Variants in GRXCR1 observed in about 807,000 individuals in gnomAD.
GRXCR1 encodes the protein glutaredoxin and cysteine rich domain containing 1, also known as glutaredoxin domain-containing cysteine-rich protein 1.
GRXCR1 carries 27 observed loss-of-function variants against 27.3 expected under a neutral mutation model. The observed-to-expected ratio is 0.99, with a 90% CI of 0.73 to 1.37. The LOEUF (loss-of-function observed/expected upper bound fraction) is 1.37. GRXCR1 is among the 40% of genes most tolerant of loss of function. The probability of loss-of-function intolerance (pLI) is 0.00; values close to 1 mark genes in which losing one functional copy is unlikely to be tolerated. For missense variants in GRXCR1, 379 were observed against 354.4 expected (o/e 1.07, Z -0.56); for synonymous variants, 122 against 131.1 (o/e 0.93, Z 0.47).
At chr4:42,918,751 C>T (rs557515661) in intron 1 of GRXCR1, among the ~76,000 whole-genome samples, 1 of 152,120 alleles carries the variant, frequency 6.6e-6, no homozygotes, top group African/African-American at 2.4e-5. Flanking sequence ...TTTGACATTC[C>T]ATTACAGGCT....
In GRXCR1 at chr4:43,024,197, C is replaced by CTTTT. The variant is rs60704333; in HGVS notation, c.693+3791_693+3794dup. ...GCCAACATAGTGTCCATTTTCTGTC[C>CTTTT]TTTTTTTTTTTTTTTTGGTAAAGCT... On this transcript the variant is annotated intron_variant, in intron 3 of 3. Transcript: ENST00000399770. Among the ~76,000 whole-genome samples the CTTTT allele has an allele frequency of 6.4e-5, 6 of 94,246 alleles. 1 individual carries two copies. The highest frequency in any genetic ancestry group is 3.6e-4 in the East Asian group (1 of 2,754). The allele number at this position is 94,246 out of a possible 152,430, so 61.8% of individuals were successfully genotyped here.
chr4:42,975,999 T>C (rs772619520), intron 2 of GRXCR1, among the ~76,000 whole-genome samples: 1 of 152,158 alleles, frequency 6.6e-6, no homozygotes, highest in Non-Finnish European at 1.5e-5. Context: ...CTTTCCTTAA[T>C]GTATATTCTG....
At chr4:42,933,000 A>C (rs1351526369) in intron 1 of GRXCR1, among the ~76,000 whole-genome samples, 2 of 151,882 alleles carry the variant, frequency 1.3e-5, no homozygotes, top group Non-Finnish European at 1.5e-5. Context: ...TCTAGGGAAC[A>C]TCAGATAAGG....
intron 1 of GRXCR1, among the ~76,000 whole-genome samples, chr4:42,949,159 T>A (rs1747818616): frequency 1.3e-5 from 2 of 151,380 alleles, no homozygotes; most frequent in African/African-American, 4.9e-5. Flanking sequence ...ATCGAGACCC[T>A]CCTGGCCAAT....
intron 1 of GRXCR1, among the ~76,000 whole-genome samples, chr4:42,951,223 A>G (rs1034441743): frequency 4.6e-5 from 7 of 152,166 alleles, no homozygotes; most frequent in African/African-American, 1.7e-4. Context: ...TTTTTGTTCT[A>G]TTCACTCACT....
chr4:42,951,559 C>T (rs940409358), intron 1 of GRXCR1, among the ~76,000 whole-genome samples: 1 of 152,110 alleles, frequency 6.6e-6, no homozygotes, highest in Non-Finnish European at 1.5e-5. Context: ...TCCCAGTCAT[C>T]GTAATGCTGC....
chr4:42,953,967 T>A (rs1289798052), intron 1 of GRXCR1, among the ~76,000 whole-genome samples: 2 of 152,088 alleles, frequency 1.3e-5, no homozygotes, highest in African/African-American at 4.8e-5. Flanking sequence ...GTCAGGAAAC[T>A]GTCCAGGATT....
In GRXCR1 at chr4:42,969,340, A is replaced by G. The variant is rs1258379599; in HGVS notation, c.627+6206A>G. Reference sequence around the variant, plus strand: ...TGTTTTTGTCTGTTTTCACACTGCTATAAAGAACTACCTGAGACTGGGTAA... The same window carrying G: ...TGTTTTTGTCTGTTTTCACACTGCTGTAAAGAACTACCTGAGACTGGGTAA... On this transcript the variant is annotated intron_variant, in intron 2 of 3. Transcript: ENST00000399770. Among the ~76,000 whole-genome samples, 8 of 152,258 alleles carry G rather than the reference A, an allele frequency of 5.3e-5. No individual in the cohort carries two copies. In the East Asian group the frequency reaches 1.4e-3, roughly 26 times the overall value.
intron 3 of GRXCR1, among the ~76,000 whole-genome samples, chr4:43,026,020 T>C (rs1227748396): frequency 6.7e-6 from 1 of 150,348 alleles, no homozygotes; most frequent in South Asian, 2.1e-4. Context: ...TACTAATAGT[T>C]ACTAATAGTA....
intron 2 of GRXCR1, among the ~76,000 whole-genome samples, chr4:42,987,958 G>T (rs1195001942): frequency 6.6e-6 from 1 of 152,120 alleles, no homozygotes; most frequent in African/African-American, 2.4e-5. Flanking sequence ...GATGGCATTA[G>T]AGTCTCCTAA....
chr4:42,957,203 C>A (rs1252330508), intron 1 of GRXCR1, among the ~76,000 whole-genome samples: 1 of 152,042 alleles, frequency 6.6e-6, no homozygotes, highest in East Asian at 1.9e-4. Context: ...ATCTCTAAGA[C>A]AAGAAGAGAA....
At chr4:42,974,729 C>A (rs1245704488) in intron 2 of GRXCR1, among the ~76,000 whole-genome samples, 2 of 152,038 alleles carry the variant, frequency 1.3e-5, no homozygotes, top group Non-Finnish European at 2.9e-5. Context: ...AACGAAACTG[C>A]CTGGAAGTAA....
At chr4:42,895,571 G>A (rs1410806425) in intron 1 of GRXCR1, among the ~76,000 whole-genome samples, 2 of 152,088 alleles carry the variant, frequency 1.3e-5, no homozygotes, top group African/African-American at 4.8e-5. Context: ...TAAAGGAGTG[G>A]CTACACTTGG....
intron 1 of GRXCR1, among the ~76,000 whole-genome samples, chr4:42,896,740 C>A (rs1049568022): frequency 1.3e-5 from 2 of 151,948 alleles, no homozygotes; most frequent in African/African-American, 4.8e-5. Context: ...ATCCAGTTCC[C>A]AAGGGTAAAT....
In GRXCR1 at chr4:43,030,535, G is replaced by C. The variant is rs768371091; in HGVS notation, c.868G>C (p.Gly290Arg). The change falls in exon 4 of 4, where the codon GGT becomes CGT. Residue 290 changes from glycine to arginine, a missense_variant. By Grantham distance (125) the Gly-to-Arg change is moderately radical. Transcript: ENST00000399770. ...NGLQRCKNCAG is the reference protein window; with the variant it reads ...NGLQRCKNCAR The stretch of plus-strand genomic sequence containing the variant: ...TCTTCAGCGTTGTAAGAACTGTGCT[G>C]GTTAATTGGAGCTTCTACCCAGGAA... 15 of 1,613,552 alleles carry C rather than the reference G, an allele frequency of 9.3e-6. No individual in the cohort carries two copies. Among genetic ancestry groups the C allele is most frequent in the Non-Finnish European group, 1.0e-5 (12 of 1,179,728 alleles).
intron 1 of GRXCR1, among the ~76,000 whole-genome samples, chr4:42,900,287 T>G (rs1284249852): frequency 6.6e-6 from 1 of 152,200 alleles, no homozygotes; most frequent in Non-Finnish European, 1.5e-5. Flanking sequence ...TTTATTTACG[T>G]GCACAAATCT....
chr4:42,900,781 A>G (rs1746443538), intron 1 of GRXCR1, among the ~76,000 whole-genome samples: 3 of 152,066 alleles, frequency 2.0e-5, no homozygotes, highest in African/African-American at 7.2e-5. Flanking sequence ...GTGGTCTGTG[A>G]CCTCAGGAAC....
Position 42,996,579 on chromosome 4 carries a change from T to A in GRXCR1, c.628-23775T>A, listed in dbSNP as rs1201275124. Among the ~76,000 whole-genome samples, 3 of 152,258 alleles carry A rather than the reference T, an allele frequency of 2.0e-5. No homozygotes were observed. The East Asian group carries it at 5.8e-4, about 29-fold the overall frequency. ...CTGAAGGTGTATTATGTAATTCTAG[T>A]AAAACAACAGCTTTGTCTGTGGTCA... On this transcript the variant is annotated intron_variant, in intron 2 of 3. Transcript: ENST00000399770.
intron 1 of GRXCR1, among the ~76,000 whole-genome samples, chr4:42,908,975 C>G (rs1282543200): frequency 2.0e-5 from 3 of 152,060 alleles, no homozygotes; most frequent in African/African-American, 7.2e-5. Flanking sequence ...GAGATGGCAC[C>G]AGGTTCAAGA....
Sources: allele counts gnomAD v4.1 joint callset (sites outside exome capture counted in the v4.1 genomes callset), GRCh38; gene constraint gnomAD v4.1.1; transcripts MANE v1.5; gene names NCBI Gene and HGNC (gene_info 2026-07-23, HGNC 2026-07-21).